The following LSM7 variants were observed in gnomAD, a reference collection of about 807,000 sequenced individuals.
The protein encoded by LSM7 is U6 snRNA-associated Sm-like protein LSm7.
In LSM7, 13 loss-of-function variants were observed where a neutral mutation model predicts 14.1. That is an observed-to-expected ratio of 0.92 (90% CI 0.60 to 1.47). The LOEUF is 1.47. LSM7 is among the 40% of genes most tolerant of loss of function. The pLI is 0.00. For missense variants in LSM7, 108 were observed against 140.8 expected (o/e 0.77, Z 1.18); for synonymous variants, 70 against 57.1 (o/e 1.23, Z -1.02).
At chr19:2,324,978 G>GTCCC (rs1568421305) in intron 2 of LSM7, 1 of 152,380 alleles carries the variant, frequency 6.6e-6, no homozygotes. Flanking sequence ...CCTGTGCTGA[G>GTCCC]TCCCTCAGTG....
intron 2 of LSM7, among the ~76,000 whole-genome samples, chr19:2,326,310 TTTTGTGTGTGTGTGTGTGTG>T (rs757376514): frequency 5.4e-3 from 541 of 99,784 alleles, no homozygotes; most frequent in Non-Finnish European, 7.6e-3. Context: ...CCTTTCTGCT[TTTTGTGTGTGTGTGTGTGTG>T]TGTGTGTGTG....
At chr19:2,326,403 G>A (rs1022135553) in intron 2 of LSM7, among the ~76,000 whole-genome samples, 27 of 151,600 alleles carry the variant, frequency 1.8e-4, no homozygotes, top group African/African-American at 4.4e-4. Context: ...ATGCAGTGGC[G>A]CGATCTCAGC....
intron 2 of LSM7, among the ~76,000 whole-genome samples, chr19:2,326,312 T>TTGCGTGTG (rs1968015728): frequency 1.5e-5 from 2 of 129,782 alleles, no homozygotes; most frequent in Non-Finnish European, 3.4e-5. Context: ...TTTCTGCTTT[T>TTGCGTGTG]TGTGTGTGTG....
At chr19:2,327,383 C>G (rs896238145) in intron 2 of LSM7, among the ~76,000 whole-genome samples, 1 of 152,176 alleles carries the variant, frequency 6.6e-6, no homozygotes, top group Non-Finnish European at 1.5e-5. Context: ...GCTGGGACTA[C>G]AAGCGTGCGC....
At position 2,321,877 on chromosome 19, in the gene LSM7, C is replaced by T. The variant is rs960460056; in HGVS notation, c.170-55G>A. ...GGACCTCCAGGAAGCCTCCGAGACCCCCCACCCACCCAAGACCCTCGCTCC... is the reference window on the plus strand; with the variant it reads ...GGACCTCCAGGAAGCCTCCGAGACCTCCCACCCACCCAAGACCCTCGCTCC... On this transcript the variant is annotated intron_variant, in intron 3 of 3. Transcript: ENST00000252622. The surrounding 1 kb of genome is among the most constrained non-coding windows in gnomAD (Gnocchi z 5.0). The T allele has an allele frequency of 7.4e-7, 1 of 1,349,390 alleles. No individual in the cohort carries two copies. Among genetic ancestry groups the T allele is most frequent in the Non-Finnish European group, 9.6e-7 (1 of 1,043,998 alleles). The allele number at this position is 1,349,390 out of a possible 1,614,324, so 83.6% of individuals were successfully genotyped here.
At chr19:2,328,313 G>A in intron 2 of LSM7, 74 bp downstream of exon 2, 4 of 1,245,830 alleles carry the variant, frequency 3.2e-6, no homozygotes, top group Non-Finnish European at 4.6e-6. Flanking sequence ...TTCCGCATGC[G>A]TCCTCATCAT....
intron 3 of LSM7, 78 bp downstream of exon 3, chr19:2,324,047 G>GC: frequency 1.3e-6 from 1 of 762,636 alleles, no homozygotes; most frequent in Non-Finnish European, 1.9e-6. Context: ...TCGTCCCACT[G>GC]CCCCCCTCGT....
In LSM7 at chr19:2,323,138, G is replaced by A. The variant is rs571480091; in HGVS notation, c.169+987C>T. On this transcript the variant is annotated intron_variant, in intron 3 of 3. Coordinates refer to ENST00000252622, the MANE Select transcript of LSM7 (RefSeq NM_016199.3). ...GGGACTTGCCAGCTGGGGACTTGCC[G>A]CAGGAGCTTCTGGGGGAGAGTCTGA... is the stretch of plus-strand genomic sequence containing the variant. Among the ~76,000 whole-genome samples, 4 of 152,286 alleles carry A rather than the reference G, an allele frequency of 2.6e-5. 1 individual carries two copies. The South Asian group carries it at 6.2e-4, about 24-fold the overall frequency.
rs1968015474 is a variant in LSM7 at position 2,326,312 on chromosome 19, T to TG, written c.97+2074_97+2075insC. Among the ~76,000 whole-genome samples, 310 of 129,782 alleles carry TG rather than the reference T, an allele frequency of 2.4e-3. 5 individuals carry two copies. The South Asian group carries it at 0.027, about 11-fold the overall frequency. 85.1% of individuals were successfully genotyped at this position (129,782 alleles called of 152,430 possible). On this transcript the variant is annotated intron_variant, in intron 2 of 3. Transcript: ENST00000252622. ...TCAGGGACCAAACCCTTTCTGCTTT[T>TG]TGTGTGTGTGTGTGTGTGTGTGTGT...
chr19:2,326,313 TG>T (rs1459975559), intron 2 of LSM7, among the ~76,000 whole-genome samples: 4 of 2,626 alleles, frequency 1.5e-3, no homozygotes, highest in African/African-American at 4.7e-3. Flanking sequence ...TTCTGCTTTT[TG>T]TGTGTGTGTG....
chr19:2,321,867 C>G lies in LSM7; in HGVS notation c.170-45G>C. On this transcript the variant is annotated intron_variant, in intron 3 of 3. Coordinates refer to ENST00000252622, the MANE Select transcript of LSM7 (RefSeq NM_016199.3). This position sits in a 1 kb window ranked among gnomAD's most constrained non-coding sequence, Gnocchi z 5.0. ...GAGGACTGAGGGACCTCCAGGAAGC[C>G]TCCGAGACCCCCCACCCACCCAAGA... 7.3e-7 allele frequency: 1 copy of G among 1,364,778 alleles called. No individual in the cohort carries two copies. Among genetic ancestry groups the G allele is most frequent in the African/African-American group, 1.5e-5 (1 of 66,162 alleles). The allele number at this position is 1,364,778 out of a possible 1,614,324, so 84.5% of individuals were successfully genotyped here. A position where few individuals can be genotyped will look rare whatever the true frequency, so the allele number is the denominator to read the frequency against.
intron 2 of LSM7, among the ~76,000 whole-genome samples, chr19:2,327,368 G>C (rs996173230): frequency 1.3e-5 from 2 of 151,590 alleles, no homozygotes; most frequent in Non-Finnish European, 2.9e-5. Flanking sequence ...TCAGCCCCCC[G>C]AGTAGCTGGG....
Position 2,321,962 on chromosome 19 carries a change from G to T in LSM7, c.170-140C>A. ...CACGCAGGGACCTCAGACGGGATGC[G>T]CTCTGTGGGGCAGGTCCCCGGCTCC... On this transcript the variant is annotated intron_variant, in intron 3 of 3. Coordinates refer to ENST00000252622, the MANE Select transcript of LSM7 (RefSeq NM_016199.3). This position sits in a 1 kb window ranked among gnomAD's most constrained non-coding sequence, Gnocchi z 5.0. 1 of 741,382 alleles carries T rather than the reference G, an allele frequency of 1.3e-6. No individual in the cohort carries two copies. The highest frequency in any genetic ancestry group is 1.9e-6 in the Non-Finnish European group (1 of 522,534). The allele number at this position is 741,382 out of a possible 1,614,324, so 45.9% of individuals were successfully genotyped here. A position where few individuals can be genotyped will look rare whatever the true frequency, so the allele number is the denominator to read the frequency against.
intron 2 of LSM7, among the ~76,000 whole-genome samples, chr19:2,326,312 T>TTGTGTGTGTATG (rs1968015840): frequency 7.7e-6 from 1 of 129,674 alleles, no homozygotes; most frequent in African/African-American, 2.8e-5. Context: ...TTTCTGCTTT[T>TTGTGTGTGTATG]TGTGTGTGTG....
chr19:2,323,609 C>T (rs1334443985), intron 3 of LSM7, among the ~76,000 whole-genome samples: 1 of 152,162 alleles, frequency 6.6e-6, no homozygotes, highest in Admixed American at 6.5e-5. Flanking sequence ...CGCCACCACA[C>T]CCAGCAATTT....
intron 3 of LSM7, among the ~76,000 whole-genome samples, chr19:2,323,604 C>T (rs149472229): frequency 6.6e-6 from 1 of 152,290 alleles, no homozygotes; most frequent in Non-Finnish European, 1.5e-5. Context: ...GCATGCGCCA[C>T]CACACCCAGC....
chr19:2,328,521 G>C (rs1599183655), intron 1 of LSM7, 40 bp downstream of exon 1: 6 of 1,609,178 alleles, frequency 3.7e-6, no homozygotes, highest in Non-Finnish European at 5.1e-6. Flanking sequence ...CGCGGCCCGA[G>C]CTCCACGCCC....
Position 2,328,160 on chromosome 19 carries a change from C to G in LSM7, c.97+227G>C, listed in dbSNP as rs1329830350. ...TGGTGGTACACATTAATTCCAGCTA[C>G]TCGGGAGGCTGAGGCACAAGAATCA... On this transcript the variant is annotated intron_variant, in intron 2 of 3. Transcript: ENST00000252622. 1.4e-5 allele frequency: 7 copies of G among 516,556 alleles called. No homozygotes were observed. In the Admixed American group the frequency reaches 2.5e-4, roughly 18 times the overall value. The allele number at this position is 516,556 out of a possible 1,614,324, so 32.0% of individuals were successfully genotyped here. A position where few individuals can be genotyped will look rare whatever the true frequency, so the allele number is the denominator to read the frequency against.
At position 2,321,530 on chromosome 19, in the gene LSM7, G is replaced by T. The variant is rs1967933337; in HGVS notation, c.*150C>A. The T allele has an allele frequency of 2.3e-6, 2 of 879,806 alleles. No individual in the cohort carries two copies. The highest frequency in any genetic ancestry group is 3.2e-6 in the Non-Finnish European group (2 of 632,512). 54.5% of individuals were successfully genotyped at this position (879,806 alleles called of 1,614,324 possible). A position where few individuals can be genotyped will look rare whatever the true frequency, so the allele number is the denominator to read the frequency against. ...TCGGGGCTCAGACACATTGAGGTTTGCAATTTTATTAAGAAAACAAAAATT... is the reference window on the plus strand; with the variant it reads ...TCGGGGCTCAGACACATTGAGGTTTTCAATTTTATTAAGAAAACAAAAATT... On this transcript the variant is annotated 3_prime_UTR_variant, in exon 4 of 4. Transcript: ENST00000252622. The surrounding 1 kb of genome is among the most constrained non-coding windows in gnomAD (Gnocchi z 5.0).
Sources: allele counts gnomAD v4.1 joint callset (sites outside exome capture counted in the v4.1 genomes callset), GRCh38; gene constraint gnomAD v4.1.1; non-coding constraint Gnocchi (gnomAD v3.1); transcripts MANE v1.5; gene names NCBI Gene and HGNC (gene_info 2026-07-23, HGNC 2026-07-21).